TENM4: variants seen among roughly 807,000 people sequenced by gnomAD.
The protein encoded by TENM4 is teneurin transmembrane protein 4.
TENM4 carries 82 observed loss-of-function variants against 243.3 expected under a neutral mutation model. That is an observed-to-expected ratio of 0.34 (90% CI 0.28 to 0.40). The LOEUF (loss-of-function observed/expected upper bound fraction) is 0.40. Among genes scored for constraint, TENM4 ranks in the 10% least tolerant of loss-of-function variants. The pLI, the probability that TENM4 is intolerant of heterozygous loss-of-function variation, is 1.00. For missense variants in TENM4, 3,138 were observed against 3,673.3 expected, an observed-to-expected ratio of 0.85 and a Z score of 3.77; for synonymous variants, 1,412 against 1,456.3, an observed-to-expected ratio of 0.97 and a Z score of 0.69.
intron 4 of TENM4, among the ~76,000 whole-genome samples, chr11:79,117,186 C>T (rs1861639729): frequency 6.6e-6 from 1 of 152,178 alleles, no homozygotes; most frequent in South Asian, 2.1e-4. Context: ...TTAGCAGTAA[C>T]CACCCCACTG....
intron 1 of TENM4, among the ~76,000 whole-genome samples, chr11:79,298,464 G>A (rs985684032): frequency 2.1e-5 from 3 of 144,000 alleles, no homozygotes; most frequent in East Asian, 4.1e-4. Flanking sequence ...GCAGTGAGCC[G>A]AGATTGCGCC....
chr11:78,670,447 T>C lies in TENM4; in HGVS notation c.5898A>G (p.Leu1966=). ...AGTAGCCCACTGAGCGGATGGTCTC[T>C]AGTGTCTGCCGCGCCACGTTGGGCA... ...VTMPNVARQT[L]ETIRSVGYYR... Residue 1966 remains leucine (L), a synonymous_variant, in exon 32 of 34, where the codon CTA becomes CTG. Coordinates refer to ENST00000278550, the MANE Select transcript of TENM4 (RefSeq NM_001098816.3). The C allele has an allele frequency of 6.2e-7, 1 of 1,614,020 alleles. No individual in the cohort carries two copies. The highest frequency in any genetic ancestry group is 8.5e-7 in the Non-Finnish European group (1 of 1,179,896).
intron 32 of TENM4, among the ~76,000 whole-genome samples, chr11:78,667,117 T>C (rs1858177119): frequency 6.6e-6 from 1 of 152,198 alleles, no homozygotes; most frequent in Non-Finnish European, 1.5e-5. Context: ...TCTCTAGAAC[T>C]AGCAGCCAAG....
intron 6 of TENM4, among the ~76,000 whole-genome samples, chr11:78,910,909 G>T (rs1359977015): frequency 6.6e-6 from 1 of 152,182 alleles, no homozygotes; most frequent in Non-Finnish European, 1.5e-5. Context: ...ACAAGGAAGG[G>T]CCCACAGAGG....
intron 6 of TENM4, among the ~76,000 whole-genome samples, chr11:79,062,836 T>G (rs1014361436): frequency 6.6e-6 from 1 of 152,058 alleles, no homozygotes; most frequent in African/African-American, 2.4e-5. Context: ...GCCCTTCAAT[T>G]TAATGCTCAA....
intron 13 of TENM4, among the ~76,000 whole-genome samples, chr11:78,812,557 C>G (rs1857522653): frequency 6.6e-6 from 1 of 152,150 alleles, no homozygotes; most frequent in African/African-American, 2.4e-5. Flanking sequence ...CCACTTAACC[C>G]CATCCCCTTC....
At chr11:79,172,712 T>G (rs1863073009) in intron 3 of TENM4, among the ~76,000 whole-genome samples, 2 of 150,226 alleles carry the variant, frequency 1.3e-5, no homozygotes, top group Non-Finnish European at 3.0e-5. Flanking sequence ...TCACCCAGGC[T>G]GGAGTGTTGT....
intron 16 of TENM4, among the ~76,000 whole-genome samples, chr11:78,786,210 G>A (rs1384393211): frequency 6.6e-6 from 1 of 152,234 alleles, no homozygotes; most frequent in Admixed American, 6.5e-5. Flanking sequence ...AGCTGGTGCC[G>A]AGGAGACCCC....
intron 6 of TENM4, among the ~76,000 whole-genome samples, chr11:79,038,606 C>G (rs1020460688): frequency 3.3e-5 from 5 of 152,308 alleles, no homozygotes; most frequent in African/African-American, 9.6e-5. Flanking sequence ...AACACACAGG[C>G]AGTTGAGCTC....
intron 2 of TENM4, among the ~76,000 whole-genome samples, chr11:79,234,562 G>A (rs1400150470): frequency 6.6e-6 from 1 of 152,312 alleles, no homozygotes; most frequent in Middle Eastern, 3.4e-3. Context: ...CATGGTGGGT[G>A]GAGGGTGAGG....
At chr11:78,943,309 A>G (rs1856942744) in intron 6 of TENM4, among the ~76,000 whole-genome samples, 1 of 152,184 alleles carries the variant, frequency 6.6e-6, no homozygotes, top group Non-Finnish European at 1.5e-5. Flanking sequence ...ATGTTCCAAG[A>G]AGGATCTTGA....
At chr11:79,214,692 A>G (rs1049641558) in intron 3 of TENM4, among the ~76,000 whole-genome samples, 1 of 152,368 alleles carries the variant, frequency 6.6e-6, no homozygotes, top group African/African-American at 2.4e-5. Context: ...AGGCAGGACC[A>G]CAGGGCTAGT....
intron 1 of TENM4, among the ~76,000 whole-genome samples, chr11:79,390,396 T>A (rs778596419): frequency 6.6e-6 from 1 of 152,216 alleles, no homozygotes; most frequent in Non-Finnish European, 1.5e-5. Flanking sequence ...CTACAGTACT[T>A]GGATATAGTT....
At chr11:79,185,186 T>C (rs1271049175) in intron 3 of TENM4, among the ~76,000 whole-genome samples, 4 of 152,098 alleles carry the variant, frequency 2.6e-5, no homozygotes. Context: ...CAGTCCCATC[T>C]ACTTGAGAGG....
intron 6 of TENM4, among the ~76,000 whole-genome samples, chr11:78,913,746 C>A (rs995814348): frequency 2.0e-5 from 3 of 151,984 alleles, no homozygotes; most frequent in Non-Finnish European, 4.4e-5. Flanking sequence ...GAAACAGGGA[C>A]GGCCATGCTG....
At chr11:78,717,671 C>T (rs184363532) in intron 25 of TENM4, among the ~76,000 whole-genome samples, 3 of 152,302 alleles carry the variant, frequency 2.0e-5, no homozygotes, top group South Asian at 2.1e-4. Flanking sequence ...AGCTTTTAAG[C>T]AAAGCTGGTT....
intron 4 of TENM4, among the ~76,000 whole-genome samples, chr11:79,099,429 C>T (rs1861166753): frequency 6.6e-6 from 1 of 152,156 alleles, no homozygotes; most frequent in African/African-American, 2.4e-5. Context: ...CTCTTTGCCT[C>T]TGTGGTCCTG....
At chr11:79,096,918 G>GCA (rs914451823) in intron 4 of TENM4, 1 of 96,254 alleles carries the variant, frequency 1.0e-5, no homozygotes, top group African/African-American at 4.0e-5. Context: ...ACGCACATGC[G>GCA]CGCGCGCGCG....
intron 19 of TENM4, among the ~76,000 whole-genome samples, chr11:78,754,257 C>A (rs1856254124): frequency 6.6e-6 from 1 of 152,238 alleles, no homozygotes; most frequent in Non-Finnish European, 1.5e-5. Flanking sequence ...AGGCCTGTGT[C>A]TTCCCTACTG....
Sources: allele counts gnomAD v4.1 joint callset (sites outside exome capture counted in the v4.1 genomes callset), GRCh38; gene constraint gnomAD v4.1.1; transcripts MANE v1.5; gene names NCBI Gene and HGNC (gene_info 2026-07-23, HGNC 2026-07-21).